Variants in GRAMD4 observed in about 807,000 individuals in gnomAD.
The protein encoded by GRAMD4 is GRAM domain containing 4, also known as GRAM domain-containing protein 4.
GRAMD4 carries 25 observed loss-of-function variants against 83.9 expected under a neutral mutation model. The observed-to-expected ratio is 0.30, with a 90% CI of 0.22 to 0.42. The LOEUF is 0.42. GRAMD4 is among the 10% of genes least tolerant of loss of function. The pLI, the probability that GRAMD4 is intolerant of heterozygous loss-of-function variation, is 1.00. For missense variants in GRAMD4, 593 were observed against 788.7 expected (o/e 0.75, Z 2.97); for synonymous variants, 336 against 320.9 (o/e 1.05, Z -0.50).
chr22:46,661,458 C>T lies in GRAMD4; in HGVS notation c.466+16C>T, dbSNP rs537099722. The T allele has an allele frequency of 5.4e-5, 65 of 1,206,290 alleles. No homozygotes were observed. The Middle Eastern group carries it at 1.0e-3, about 19-fold the overall frequency. The allele number at this position is 1,206,290 out of a possible 1,614,324, so 74.7% of individuals were successfully genotyped here. On this transcript the variant is annotated intron_variant, in intron 5 of 18. Coordinates refer to ENST00000406902, the MANE Select transcript of GRAMD4 (RefSeq NM_015124.5). ...AATGGAGCAGGTACACCCTGGTGGG[C>T]GGGTGGACAGGCAGGCGGGCGGGTG... is the stretch of plus-strand genomic sequence containing the variant.
intron 7 of GRAMD4, 79 bp downstream of exon 7, chr22:46,663,942 T>G: frequency 6.3e-7 from 1 of 1,581,842 alleles, no homozygotes; most frequent in Non-Finnish European, 8.7e-7. Context: ...TCTGGGATTC[T>G]GAGCTGAACC....
intron 1 of GRAMD4, among the ~76,000 whole-genome samples, chr22:46,625,934 A>T (rs951459467): frequency 6.6e-6 from 1 of 152,314 alleles, no homozygotes; most frequent in Non-Finnish European, 1.5e-5. Context: ...CAGTGTGACC[A>T]GGTTTCTGTG....
chr22:46,612,123 T>C (rs62233586), intron 1 of GRAMD4, among the ~76,000 whole-genome samples: 121,161 of 151,522 alleles, frequency 0.8, 49,081 homozygotes, highest in East Asian at 1. Flanking sequence ...CCTGCCTCAG[T>C]CTTCTGAGAA....
chr22:46,598,289 G>T (rs981031394), intron 1 of GRAMD4, among the ~76,000 whole-genome samples: 1 of 151,940 alleles, frequency 6.6e-6, no homozygotes, highest in Non-Finnish European at 1.5e-5. Context: ...GCTGGGTGGC[G>T]TTTTTTTGGT....
At position 46,679,629 on chromosome 22, in the gene GRAMD4, G is replaced by A. The variant is rs538444540; in HGVS notation, c.*2378G>A. 2.0e-6 allele frequency: 2 copies of A among 983,262 alleles called. No individual in the cohort carries two copies. The highest frequency in any genetic ancestry group is 1.7e-5 in the African/African-American group (1 of 57,340). 60.9% of individuals were successfully genotyped at this position (983,262 alleles called of 1,614,324 possible). On this transcript the variant is annotated 3_prime_UTR_variant, in exon 19 of 19. Coordinates refer to ENST00000406902, the MANE Select transcript of GRAMD4 (RefSeq NM_015124.5). ...TTGGATCTGTAAATAATCATTGCCA[G>A]TGTGACTTTTGTTCAACAAAAGGAT...
In GRAMD4 at chr22:46,659,344, G is replaced by T. The variant is rs2082294816; in HGVS notation, c.404+1037G>T. ...CCACTCCCTCAGCCTCCCCACTCAG[G>T]TTCCACTCAGCCTCCCTCCAGCCTC... On this transcript the variant is annotated intron_variant, in intron 4 of 18. Transcript: ENST00000406902. The surrounding 1 kb of genome is among the most constrained non-coding windows in gnomAD (Gnocchi z 4.1). 1.3e-5 allele frequency among the ~76,000 whole-genome samples: 2 copies of T among 151,122 alleles called. No homozygotes were observed. The highest frequency in any genetic ancestry group is 4.9e-5 in the African/African-American group (2 of 41,034).
At chr22:46,594,177 C>G (rs1469210337) in intron 1 of GRAMD4, among the ~76,000 whole-genome samples, 2 of 151,740 alleles carry the variant, frequency 1.3e-5, no homozygotes, top group Non-Finnish European at 2.9e-5. Context: ...CTGCCCCACG[C>G]CCGGCTCCTG....
Position 46,678,186 on chromosome 22 carries a change from T to C in GRAMD4, c.*935T>C. 2 of 985,286 alleles carry C rather than the reference T, an allele frequency of 2.0e-6. No individual in the cohort carries two copies. The highest frequency in any genetic ancestry group is 2.4e-6 in the Non-Finnish European group (2 of 829,822). The allele number at this position is 985,286 out of a possible 1,614,324, so 61.0% of individuals were successfully genotyped here. ...CCAGGCTGCGGTTGCCTGGGTTGGT[T>C]GGGGGAGGAAGTGGGGAGGAGTGTT... On this transcript the variant is annotated 3_prime_UTR_variant, in exon 19 of 19. Coordinates refer to ENST00000406902, the MANE Select transcript of GRAMD4 (RefSeq NM_015124.5).
At chr22:46,681,750 C>T (rs932276509), downstream of GRAMD4, among the ~76,000 whole-genome samples, 2 of 152,240 alleles carry the variant, frequency 1.3e-5, no homozygotes, top group East Asian at 3.9e-4. Context: ...TAGGTACTTG[C>T]TATATGTTTT....
At chr22:46,584,933 G>A (rs748484328) in intron 1 of GRAMD4, among the ~76,000 whole-genome samples, 2 of 152,218 alleles carry the variant, frequency 1.3e-5, no homozygotes, top group South Asian at 2.1e-4. Flanking sequence ...ACAAATCTCC[G>A]ACTCCATCCT....
chr22:46,667,462 T>C (rs885792), intron 10 of GRAMD4, among the ~76,000 whole-genome samples: 84,525 of 152,212 alleles, frequency 0.56, 24,540 homozygotes, highest in African/African-American at 0.72. Flanking sequence ...TGCTTTTGCA[T>C]TACCCTTGAG....
chr22:46,667,143 A>G (rs887937241), intron 10 of GRAMD4, among the ~76,000 whole-genome samples: 3 of 152,182 alleles, frequency 2.0e-5, no homozygotes, highest in Non-Finnish European at 4.4e-5. Context: ...CCCAGCTAGG[A>G]TGTGGTATGG....
intron 1 of GRAMD4, among the ~76,000 whole-genome samples, chr22:46,592,107 C>T (rs539967485): frequency 2.0e-5 from 3 of 152,224 alleles, no homozygotes; most frequent in Admixed American, 6.5e-5. Flanking sequence ...CTCATCCTGA[C>T]GCCCAGCTCA....
chr22:46,624,930 A>C (rs28664041), intron 1 of GRAMD4, among the ~76,000 whole-genome samples: 2 of 145,940 alleles, frequency 1.4e-5, no homozygotes, highest in African/African-American at 5.1e-5. Context: ...GCGGGATCTC[A>C]GCTCACTTCA....
chr22:46,650,437 T>C (rs537493104), intron 3 of GRAMD4, among the ~76,000 whole-genome samples: 2 of 126,606 alleles, frequency 1.6e-5, no homozygotes, highest in Non-Finnish European at 3.4e-5. Context: ...GGGCTGAGCA[T>C]TGAGGCTGGG....
At position 46,581,118 on chromosome 22, in the gene GRAMD4, G is replaced by A. The variant is rs112490790; in HGVS notation, c.-50+3828G>A. On this transcript the variant is annotated intron_variant, in intron 1 of 1. Transcript: ENST00000431155. ...GTAATTCGCCACTAATGACAGTCCC[G>A]TCTACAGGGCTACTGTTCTGATTGT... 6.3e-3 allele frequency among the ~76,000 whole-genome samples: 957 copies of A among 152,260 alleles called. 12 individuals are homozygous for A. Among genetic ancestry groups the A allele is most frequent in the African/African-American group, 0.021 (862 of 41,534 alleles).
upstream of GRAMD4, among the ~76,000 whole-genome samples, chr22:46,619,779 A>G (rs1007725112): frequency 3.5e-4 from 53 of 151,936 alleles, no homozygotes; most frequent in African/African-American, 1.1e-3. Flanking sequence ...TTTAGGGGCT[A>G]CCTTCCCTAG....
intron 1 of GRAMD4, among the ~76,000 whole-genome samples, chr22:46,598,842 A>C (rs953559163): frequency 6.6e-6 from 1 of 152,146 alleles, no homozygotes; most frequent in Non-Finnish European, 1.5e-5. Flanking sequence ...TAGCAGCTAC[A>C]TGGTGGGTTT....
intron 5 of GRAMD4, 29 bp downstream of exon 5, chr22:46,661,471 A>AGGCG (rs2082326078): frequency 9.5e-7 from 1 of 1,056,254 alleles, no homozygotes; most frequent in Non-Finnish European, 1.4e-6. Context: ...GTGGACAGGC[A>AGGCG]GGCGGGCGGG....
Sources: allele counts gnomAD v4.1 joint callset (sites outside exome capture counted in the v4.1 genomes callset), GRCh38; gene constraint gnomAD v4.1.1; non-coding constraint Gnocchi (gnomAD v3.1); transcripts MANE v1.5; gene names NCBI Gene and HGNC (gene_info 2026-07-23, HGNC 2026-07-21).